ASXL3: variants seen among roughly 807,000 people sequenced by gnomAD.
ASXL3 encodes ASXL transcriptional regulator 3.
ASXL3 carries 34 observed loss-of-function variants against 170.6 expected under a neutral mutation model. That is an observed-to-expected ratio of 0.20 (90% CI 0.15 to 0.27). The LOEUF is 0.27. Ranked by LOEUF, ASXL3 falls within the 10% of genes least tolerant of loss-of-function variation. ASXL3 has a pLI of 1.00. For missense variants in ASXL3, 2,592 were observed against 2,695.3 expected (o/e 0.96, Z 0.85); for synonymous variants, 1,002 against 989.1 (o/e 1.01, Z -0.24).
intron 2 of ASXL3, 65 bp downstream of exon 2, chr18:33,607,741 C>G: frequency 3.3e-6 from 4 of 1,216,164 alleles, no homozygotes; most frequent in East Asian, 5.1e-5. Flanking sequence ...CGTTGCTAAG[C>G]GATAGGTGTA....
At chr18:33,691,518 A>G (rs2066685963) in intron 8 of ASXL3, among the ~76,000 whole-genome samples, 1 of 152,164 alleles carries the variant, frequency 6.6e-6, no homozygotes, top group Non-Finnish European at 1.5e-5. Flanking sequence ...AATGGAATGT[A>G]TATTTCATTC....
chr18:33,595,237 A>AT (rs1422948739), intron 1 of ASXL3, among the ~76,000 whole-genome samples: 1 of 152,080 alleles, frequency 6.6e-6, no homozygotes, highest in African/African-American at 2.4e-5. Flanking sequence ...TAAAATGTTT[A>AT]TTTTTTTAGA....
intron 2 of ASXL3, among the ~76,000 whole-genome samples, chr18:33,638,209 T>C (rs906264354): frequency 6.6e-6 from 1 of 150,402 alleles, no homozygotes; most frequent in Non-Finnish European, 1.5e-5. Flanking sequence ...ATTTATGATA[T>C]ATATATATTA....
At chr18:33,657,032 G>C (rs1599455094) in intron 4 of ASXL3, among the ~76,000 whole-genome samples, 2 of 152,252 alleles carry the variant, frequency 1.3e-5, no homozygotes, top group South Asian at 2.1e-4. Context: ...AAGTCCCTGA[G>C]TTTCCAAGCC....
intron 2 of ASXL3, among the ~76,000 whole-genome samples, chr18:33,639,559 A>G (rs1186707632): frequency 6.6e-6 from 1 of 152,174 alleles, no homozygotes; most frequent in Non-Finnish European, 1.5e-5. Flanking sequence ...TATGATACAG[A>G]TCATATATTT....
chr18:33,627,403 C>A (rs1045245378), intron 2 of ASXL3, among the ~76,000 whole-genome samples: 1 of 152,174 alleles, frequency 6.6e-6, no homozygotes, highest in Non-Finnish European at 1.5e-5. Flanking sequence ...TTTGTGTAAA[C>A]TGTGGCCATA....
intron 4 of ASXL3, among the ~76,000 whole-genome samples, chr18:33,650,643 A>C (rs1432526045): frequency 6.6e-6 from 1 of 152,160 alleles, no homozygotes; most frequent in Non-Finnish European, 1.5e-5. Flanking sequence ...GGGATAAGCA[A>C]ACTTCCCTAA....
rs147818895 is a variant in ASXL3 at position 33,590,244 on chromosome 18, C to T, written c.54+11559C>T. Among the ~76,000 whole-genome samples, 770 of 151,522 alleles carry T rather than the reference C, an allele frequency of 5.1e-3. 6 individuals carry two copies. The highest frequency in any genetic ancestry group is 0.017 in the African/African-American group (706 of 41,216). ...TGTTGTCCAACCTTAGCCACGACAG[C>T]CTAAAGACAATCTCAGTCTCTTTTC... On this transcript the variant is annotated intron_variant, in intron 1 of 11. Transcript: ENST00000269197.
At chr18:33,584,815 T>G (rs1475666904) in intron 1 of ASXL3, among the ~76,000 whole-genome samples, 1 of 152,144 alleles carries the variant, frequency 6.6e-6, no homozygotes. Flanking sequence ...ACAATATATA[T>G]GTATGTGTGT....
intron 8 of ASXL3, among the ~76,000 whole-genome samples, chr18:33,716,569 T>C (rs764374129): frequency 4.6e-5 from 7 of 152,124 alleles, no homozygotes; most frequent in Non-Finnish European, 1.0e-4. Context: ...GAGAGTTGTA[T>C]GTTTTAGGAT....
intron 8 of ASXL3, among the ~76,000 whole-genome samples, chr18:33,711,739 C>T (rs1344496512): frequency 6.6e-6 from 1 of 152,064 alleles, no homozygotes; most frequent in Non-Finnish European, 1.5e-5. Context: ...CTGGGAGAGG[C>T]TATGGGGATC....
intron 1 of ASXL3, chr18:33,605,311 C>A (rs897967343): frequency 6.6e-6 from 1 of 152,010 alleles, no homozygotes. Flanking sequence ...TTGATGGCAT[C>A]AATGTTTTGT....
chr18:33,734,044 T>TGCTTTAGCATTCTTCTAAAGAATTTA (rs1568356015), intron 9 of ASXL3, among the ~76,000 whole-genome samples: 23 of 84,960 alleles, frequency 2.7e-4, no homozygotes, highest in Admixed American at 2.1e-3. Flanking sequence ...ATTTGCTAAA[T>TGCTTTAGCATTCTTCTAAAGAATTTA]GCTTTAGCAT....
intron 8 of ASXL3, among the ~76,000 whole-genome samples, chr18:33,706,233 A>G (rs1475199853): frequency 6.6e-6 from 1 of 151,794 alleles, no homozygotes; most frequent in Non-Finnish European, 1.5e-5. Context: ...TCAAAGAGCT[A>G]CCTCAACAAG....
intron 2 of ASXL3, among the ~76,000 whole-genome samples, chr18:33,612,585 T>G (rs1317205601): frequency 6.6e-6 from 1 of 152,132 alleles, no homozygotes; most frequent in Non-Finnish European, 1.5e-5. Context: ...TTTTGCGGTC[T>G]CTGTTATGAT....
intron 7 of ASXL3, among the ~76,000 whole-genome samples, chr18:33,674,142 A>T (rs1031986009): frequency 7.9e-5 from 12 of 152,218 alleles, no homozygotes; most frequent in African/African-American, 2.9e-4. Flanking sequence ...CAGCTAAGTG[A>T]TACAAACCAA....
intron 8 of ASXL3, among the ~76,000 whole-genome samples, chr18:33,688,481 A>T (rs2066633481): frequency 6.6e-6 from 1 of 152,232 alleles, no homozygotes; most frequent in Non-Finnish European, 1.5e-5. Context: ...GTTAATGATA[A>T]CATATACATA....
chr18:33,585,346 A>G lies in ASXL3; in HGVS notation c.54+6661A>G, dbSNP rs138871859. ...GCTGCCAAAATCTAGCCCTGACGGA[A>G]ACTTTCCCTGAAGAGCCCTTGGGGA... On this transcript the variant is annotated intron_variant, in intron 1 of 11. Coordinates refer to ENST00000269197, the MANE Select transcript of ASXL3 (RefSeq NM_030632.3). Among the ~76,000 whole-genome samples the G allele has an allele frequency of 5.1e-3, 770 of 152,120 alleles. 6 individuals are homozygous for G. Among genetic ancestry groups the G allele is most frequent in the African/African-American group, 0.017 (710 of 41,488 alleles).
At chr18:33,726,180 A>G (rs1351612071) in intron 8 of ASXL3, among the ~76,000 whole-genome samples, 2 of 152,154 alleles carry the variant, frequency 1.3e-5, no homozygotes, top group African/African-American at 4.8e-5. Flanking sequence ...AAGTCCAAAA[A>G]TTCTTGATAT....
Sources: allele counts gnomAD v4.1 joint callset (sites outside exome capture counted in the v4.1 genomes callset), GRCh38; gene constraint gnomAD v4.1.1; transcripts MANE v1.5; gene names NCBI Gene and HGNC (gene_info 2026-07-23, HGNC 2026-07-21).